Variants in NDST4 observed in about 807,000 individuals in gnomAD.
NDST4 encodes the protein N-heparan sulfate sulfotransferase 4.
A neutral mutation model predicts 100.8 loss-of-function variants in NDST4; 63 were observed. The observed-to-expected ratio is 0.62, with a 90% CI of 0.51 to 0.77. The LOEUF is 0.77. Ranked by LOEUF, NDST4 falls within the 30% of genes least tolerant of loss-of-function variation. NDST4 has a pLI of 0.00. For synonymous variants in NDST4, 377 were observed against 361.8 expected (o/e 1.04, Z -0.48); for missense variants, 943 against 1,018.4 (o/e 0.93, Z 1.01).
chr4:114,951,198 CATGA>C (rs1469816118), intron 4 of NDST4, among the ~76,000 whole-genome samples: 3 of 152,060 alleles, frequency 2.0e-5, no homozygotes, highest in African/African-American at 7.2e-5. Flanking sequence ...TTCACATGCA[CATGA>C]ATGAACACTT....
At position 115,076,862 on chromosome 4, in the gene NDST4, G is replaced by T; in HGVS notation, c.175C>A (p.Pro59Thr). Reference sequence around the variant, plus strand: ...GTTTTCAGCTCCATTGACCTATATGGTAGAATTTTGATGTCAGTGCATTCT... The same window carrying T: ...GTTTTCAGCTCCATTGACCTATATGTTAGAATTTTGATGTCAGTGCATTCT... The part of the protein sequence containing the change: ...EAECTDIKIL[P>T]YRSMELKTVK... The change falls in exon 2 of 14, where the codon CCA becomes ACA. Residue 59 changes from proline (P) to threonine (T), a missense_variant. Transcript: ENST00000264363. 6.2e-7 allele frequency: 1 copy of T among 1,613,824 alleles called. No homozygotes were observed. Among genetic ancestry groups the T allele is most frequent in the Non-Finnish European group, 8.5e-7 (1 of 1,179,880 alleles).
chr4:115,087,699 T>C (rs1729435846), intron 1 of NDST4, among the ~76,000 whole-genome samples: 1 of 152,052 alleles, frequency 6.6e-6, no homozygotes, highest in African/African-American at 2.4e-5. Context: ...TGAGGAAATA[T>C]AATATCATAT....
chr4:114,951,918 A>T (rs1725997956), intron 4 of NDST4, among the ~76,000 whole-genome samples: 1 of 152,168 alleles, frequency 6.6e-6, no homozygotes, highest in Non-Finnish European at 1.5e-5. Flanking sequence ...TGTTCTGAAT[A>T]AGTGAAATAA....
chr4:114,944,279 G>C (rs553934437), intron 4 of NDST4, among the ~76,000 whole-genome samples: 1 of 152,278 alleles, frequency 6.6e-6, no homozygotes, highest in African/African-American at 2.4e-5. Context: ...TATTCTATTA[G>C]CTCTTCTTAT....
chr4:114,919,514 C>T (rs1725244854), intron 6 of NDST4, among the ~76,000 whole-genome samples: 1 of 152,082 alleles, frequency 6.6e-6, no homozygotes, highest in Non-Finnish European at 1.5e-5. Flanking sequence ...CCCTGAGGGA[C>T]AAACAATCCT....
chr4:114,839,382 G>A lies in NDST4; in HGVS notation c.2282C>T (p.Ser761Phe), dbSNP rs751956600. ...IERWLTYFAT[S>F]QLLIIDGQQL... ...AAAGTAATTTCAGGACATTACCTGA[G>A]AAGTAGCAAAGTAAGTTAGCCATCT... Residue 761 changes from serine (S) to phenylalanine (F), a missense_variant, in exon 11 of 14, where the codon TCT becomes TTT. This residue lies in a region of NDST4 where 526 missense variants were observed against 634.1 expected (regional missense o/e 0.83). Transcript: ENST00000264363. 1 of 1,608,166 alleles carries A rather than the reference G, an allele frequency of 6.2e-7. No homozygotes were observed.
intron 6 of NDST4, among the ~76,000 whole-genome samples, chr4:114,922,241 A>T (rs1044660766): frequency 6.6e-6 from 1 of 152,222 alleles, no homozygotes; most frequent in African/African-American, 2.4e-5. Flanking sequence ...AGGCTCAAGC[A>T]TGCACAGTAA....
At chr4:114,933,438 T>TTTTTTTTTTTTCC (rs2126224502) in intron 6 of NDST4, among the ~76,000 whole-genome samples, 1 of 138,796 alleles carries the variant, frequency 7.2e-6, no homozygotes. Flanking sequence ...TTTCCTTTTT[T>TTTTTTTTTTTTCC]TTTTTTTTTT....
chr4:114,920,677 A>C (rs1356626399), intron 6 of NDST4, among the ~76,000 whole-genome samples: 1 of 152,176 alleles, frequency 6.6e-6, no homozygotes, highest in Non-Finnish European at 1.5e-5. Context: ...GTTTACAAGA[A>C]CATGACCTTT....
intron 2 of NDST4, among the ~76,000 whole-genome samples, chr4:114,984,363 G>C (rs1354418352): frequency 6.6e-6 from 1 of 151,896 alleles, no homozygotes; most frequent in Admixed American, 6.6e-5. Context: ...ATTTTTAGTA[G>C]AGATGGGCTT....
chr4:114,896,285 T>C (rs1383562894), intron 6 of NDST4, among the ~76,000 whole-genome samples: 1 of 152,112 alleles, frequency 6.6e-6, no homozygotes, highest in Non-Finnish European at 1.5e-5. Flanking sequence ...ATTATTATTA[T>C]GGCCTTTTGA....
intron 2 of NDST4, among the ~76,000 whole-genome samples, chr4:115,015,932 GATT>G: frequency 6.6e-6 from 1 of 152,094 alleles, no homozygotes; most frequent in Admixed American, 6.6e-5. Context: ...CTGGTATGTT[GATT>G]ACATTGGACC....
At chr4:114,938,925 C>CTAGA (rs750010757) in intron 4 of NDST4, among the ~76,000 whole-genome samples, 30 of 152,130 alleles carry the variant, frequency 2.0e-4, no homozygotes, top group Non-Finnish European at 4.0e-4. Context: ...GAGTCTTTTG[C>CTAGA]TAGACACTGG....
intron 7 of NDST4, among the ~76,000 whole-genome samples, chr4:114,864,483 G>A (rs1281597408): frequency 1.3e-5 from 2 of 152,102 alleles, no homozygotes; most frequent in Non-Finnish European, 2.9e-5. Flanking sequence ...GTACAGGGTG[G>A]TGACTTTCAA....
intron 2 of NDST4, among the ~76,000 whole-genome samples, chr4:115,066,648 T>A (rs1458575507): frequency 6.6e-6 from 1 of 152,196 alleles, no homozygotes; most frequent in Non-Finnish European, 1.5e-5. Flanking sequence ...ATTCTTATTA[T>A]AAGCCTTTGA....
chr4:114,937,236 A>G (rs781244545), intron 5 of NDST4, 82 bp downstream of exon 5: 23 of 1,422,700 alleles, frequency 1.6e-5, no homozygotes, highest in Non-Finnish European at 2.1e-5. Context: ...TCGAGGTTAC[A>G]TCCTTAGAGG....
At chr4:114,904,753 A>G (rs1724915035) in intron 6 of NDST4, among the ~76,000 whole-genome samples, 1 of 151,912 alleles carries the variant, frequency 6.6e-6, no homozygotes, top group African/African-American at 2.4e-5. Flanking sequence ...ATAATATTAA[A>G]TATACACAAA....
At chr4:115,043,420 G>T (rs777030283) in intron 2 of NDST4, among the ~76,000 whole-genome samples, 1 of 152,136 alleles carries the variant, frequency 6.6e-6, no homozygotes, top group Admixed American at 6.6e-5. Flanking sequence ...ATTGGCAATT[G>T]TGCATTAATA....
At chr4:115,112,305 T>G (rs1414241473) in intron 1 of NDST4, among the ~76,000 whole-genome samples, 1 of 151,908 alleles carries the variant, frequency 6.6e-6, no homozygotes, top group Non-Finnish European at 1.5e-5. Context: ...CAATTTCCTC[T>G]TGGGGCAGAA....
Sources: gnomAD v4.1 joint callset for allele counts (sites outside exome capture counted in the v4.1 genomes callset) on GRCh38, gnomAD v4.1.1 for gene constraint, gnomAD v4.1.1 regional missense constraint, MANE v1.5 for transcripts, NCBI Gene and HGNC (gene_info 2026-07-23, HGNC 2026-07-21) for gene names.